The following TBC1D32 variants were observed in gnomAD, a reference collection of about 807,000 sequenced individuals.
TBC1D32 encodes protein broad-minded.
A neutral mutation model predicts 170.3 loss-of-function variants in TBC1D32; 151 were observed. The ratio of observed to expected loss-of-function variants is 0.89; its 90% confidence interval spans 0.78 to 1.01. TBC1D32 has a LOEUF of 1.01. TBC1D32 is among the 50% of genes least tolerant of loss of function. The pLI is 0.00. For missense variants in TBC1D32, 1,464 were observed against 1,457.1 expected (o/e 1.00, Z -0.08); for synonymous variants, 498 against 488.0 (o/e 1.02, Z -0.27).
At chr6:121,292,857 T>C (rs1437623619) in intron 11 of TBC1D32, among the ~76,000 whole-genome samples, 3 of 152,136 alleles carry the variant, frequency 2.0e-5, no homozygotes, top group Non-Finnish European at 1.5e-5. Context: ...GAGAGAGAAC[T>C]GGGCAGGAGC....
At chr6:121,318,802 C>T (rs1183784530) in intron 2 of TBC1D32, among the ~76,000 whole-genome samples, 1 of 150,418 alleles carries the variant, frequency 6.6e-6, no homozygotes, top group Non-Finnish European at 1.5e-5. Flanking sequence ...TACATATATA[C>T]ACGTATTTAT....
intron 30 of TBC1D32, among the ~76,000 whole-genome samples, chr6:121,098,129 G>A (rs574332027): frequency 1.1e-3 from 165 of 151,394 alleles, no homozygotes; most frequent in African/African-American, 3.9e-3. Context: ...AAACCACCAT[G>A]GTATATGTAT....
rs1197704430 is a variant in TBC1D32, at chr6:121,303,713, T to C, written c.984A>G (p.Lys328=). ...VESTLSLLTV[K]HNQSHVVSQK... is the part of the protein sequence containing the mutation. ...GTGAGACAACATGGCTTTGATTATG[T>C]TTAACTGTTAACAAGGACAAAGTAC... Residue 328 remains lysine (K), a synonymous_variant, in exon 9 of 32, where the codon AAA becomes AAG. Transcript: ENST00000398212. The C allele has an allele frequency of 6.3e-7, 1 of 1,592,822 alleles. No individual in the cohort carries two copies. The highest frequency in any genetic ancestry group is 8.6e-7 in the Non-Finnish European group (1 of 1,166,086).
chr6:121,187,754 CAAAAA>C (rs67915120), intron 22 of TBC1D32, among the ~76,000 whole-genome samples: 390 of 128,606 alleles, frequency 3.0e-3, no homozygotes, highest in Non-Finnish European at 3.7e-3. Flanking sequence ...TGCTCAGGGC[CAAAAA>C]AAAAAAAAAA....
At chr6:121,095,354 A>C (rs77503522) in intron 30 of TBC1D32, among the ~76,000 whole-genome samples, 3 of 152,186 alleles carry the variant, frequency 2.0e-5, no homozygotes, top group Non-Finnish European at 4.4e-5. Context: ...AACTAGAATT[A>C]AAAAACAATC....
At chr6:121,293,134 C>CA (rs111705802) in intron 11 of TBC1D32, among the ~76,000 whole-genome samples, 11,270 of 126,164 alleles carry the variant, frequency 0.089, 657 homozygotes, top group East Asian at 0.23. Context: ...AAAAACATGG[C>CA]AAAAAAAAAA....
chr6:121,272,702 A>G (rs376926187), intron 15 of TBC1D32, among the ~76,000 whole-genome samples: 8 of 152,288 alleles, frequency 5.3e-5, no homozygotes, highest in Admixed American at 3.3e-4. Flanking sequence ...ACAGTGTGGC[A>G]ATTCATCAAG....
rs781116575 is a variant in TBC1D32 at position 121,303,654 on chromosome 6, A to G, written c.1043T>C (p.Leu348Ser). Residue 348 changes from leucine to serine, a missense_variant, in exon 9 of 32, where the codon TTA (leucine) becomes TCA (serine). Transcript: ENST00000398212. ...GAACCACACAGCCTTGGTATCAACTAATGCAAAAAAGTAGATCGGATCCAA... is the reference window on the plus strand; with the variant it reads ...GAACCACACAGCCTTGGTATCAACTGATGCAAAAAAGTAGATCGGATCCAA... ...KILDPIYFFA[L>S]VDTKAVWFKK... 1.0e-4 allele frequency: 164 copies of G among 1,595,026 alleles called. No individual in the cohort carries two copies. Among genetic ancestry groups the G allele is most frequent in the Middle Eastern group, 8.3e-4 (5 of 5,998 alleles).
At chr6:121,207,753 C>A (rs567568822) in intron 21 of TBC1D32, among the ~76,000 whole-genome samples, 1 of 152,244 alleles carries the variant, frequency 6.6e-6, no homozygotes, top group East Asian at 1.9e-4. Flanking sequence ...TTTTCAATAA[C>A]CTACTAGGTC....
intron 12 of TBC1D32, among the ~76,000 whole-genome samples, chr6:121,291,689 A>G (rs1030261299): frequency 6.6e-6 from 1 of 152,124 alleles, no homozygotes; most frequent in Non-Finnish European, 1.5e-5. Flanking sequence ...AAATATTACC[A>G]ATTTCACTAT....
intron 24 of TBC1D32, among the ~76,000 whole-genome samples, chr6:121,147,768 A>G (rs1582965307): frequency 1.3e-5 from 2 of 151,622 alleles, no homozygotes; most frequent in African/African-American, 4.8e-5. Context: ...ATTTTTTTGT[A>G]TTTTTAGTAG....
At chr6:121,290,515 G>A (rs1401310131) in intron 12 of TBC1D32, among the ~76,000 whole-genome samples, 5 of 152,050 alleles carry the variant, frequency 3.3e-5, no homozygotes, top group Non-Finnish European at 7.4e-5. Flanking sequence ...TGCTGGAGAG[G>A]ATGTGGAGAA....
chr6:121,140,104 T>C (rs980619286), intron 24 of TBC1D32, among the ~76,000 whole-genome samples: 1 of 152,092 alleles, frequency 6.6e-6, no homozygotes, highest in African/African-American at 2.4e-5. Context: ...TGGCTTAGCA[T>C]CATGGTCTTT....
intron 3 of TBC1D32, among the ~76,000 whole-genome samples, chr6:121,315,635 A>G (rs1808823123): frequency 6.6e-6 from 1 of 152,184 alleles, no homozygotes; most frequent in African/African-American, 2.4e-5. Flanking sequence ...TGTTATTCAT[A>G]GGAAAATTCA....
intron 24 of TBC1D32, among the ~76,000 whole-genome samples, chr6:121,133,426 CAT>C (rs1183902811): frequency 2.0e-5 from 3 of 151,854 alleles, no homozygotes; most frequent in African/African-American, 7.2e-5. Context: ...ATGAAATGCA[CAT>C]GTCATATAAA....
chr6:121,308,382 T>C (rs1807645211), intron 4 of TBC1D32, among the ~76,000 whole-genome samples: 1 of 151,922 alleles, frequency 6.6e-6, no homozygotes, highest in South Asian at 2.1e-4. Flanking sequence ...GGAGGAAGAA[T>C]GGTAGTTGAA....
In TBC1D32 at chr6:121,242,342, G is replaced by C. The variant is rs769949110; in HGVS notation, c.2019-3C>G. 1.2e-6 allele frequency: 2 copies of C among 1,610,926 alleles called. No homozygotes were observed. The highest frequency in any genetic ancestry group is 3.4e-5 in the Admixed American group (2 of 59,516). ...ACAAATTATCTTCCCAAGCCATACT[G>C]AAATAGGTAAAAGAAAGGTAGAGCT... On this transcript the variant is annotated splice_region_variant and splice_polypyrimidine_tract_variant and intron_variant, in intron 17 of 31. Coordinates refer to ENST00000398212, the MANE Select transcript of TBC1D32 (RefSeq NM_152730.6).
chr6:121,100,072 C>T (rs758833661), intron 30 of TBC1D32, among the ~76,000 whole-genome samples: 3 of 151,792 alleles, frequency 2.0e-5, no homozygotes, highest in Non-Finnish European at 4.4e-5. Flanking sequence ...TGTAGTTGAG[C>T]GGTTTTGAGT....
chr6:121,254,580 G>A (rs922114656), intron 17 of TBC1D32, among the ~76,000 whole-genome samples: 5 of 151,024 alleles, frequency 3.3e-5, no homozygotes, highest in Admixed American at 6.6e-5. Flanking sequence ...TTAACTATTT[G>A]TTGAACCATT....
Sources: allele counts gnomAD v4.1 joint callset (sites outside exome capture counted in the v4.1 genomes callset), GRCh38; gene constraint gnomAD v4.1.1; transcripts MANE v1.5; gene names NCBI Gene and HGNC (gene_info 2026-07-23, HGNC 2026-07-21).